Variants in SLC39A11 observed in about 807,000 individuals in gnomAD.
SLC39A11 encodes the protein solute carrier family 39 member 11, also known as zinc transporter ZIP11.
A neutral mutation model predicts 36.1 loss-of-function variants in SLC39A11; 33 were observed. The observed-to-expected ratio is 0.91, with a 90% CI of 0.69 to 1.22. SLC39A11 has a LOEUF of 1.22. Ranked by LOEUF, SLC39A11 falls within the 50% of genes most tolerant of loss-of-function variation. The pLI is 0.00. For synonymous variants in SLC39A11, 166 were observed against 170.3 expected (o/e 0.97, Z 0.20); for missense variants, 432 against 430.3 (o/e 1.00, Z -0.03).
At chr17:73,042,603 C>G (rs544473369) in intron 3 of SLC39A11, among the ~76,000 whole-genome samples, 1 of 152,294 alleles carries the variant, frequency 6.6e-6, no homozygotes, top group African/African-American at 2.4e-5. Context: ...GAGTTCGAGA[C>G]CAGCATGGCC....
intron 7 of SLC39A11, among the ~76,000 whole-genome samples, chr17:72,709,510 A>G (rs1298401060): frequency 6.6e-6 from 1 of 152,224 alleles, no homozygotes; most frequent in Non-Finnish European, 1.5e-5. Context: ...TTTCTCCTTG[A>G]ACAGAGATGA....
intron 5 of SLC39A11, among the ~76,000 whole-genome samples, chr17:72,938,277 T>C (rs555503734): frequency 1.1e-4 from 17 of 152,220 alleles, no homozygotes; most frequent in Admixed American, 2.0e-4. Flanking sequence ...CCTGATTCCT[T>C]TCTTTAGGGA....
chr17:72,813,367 T>G (rs1056131429), intron 6 of SLC39A11, among the ~76,000 whole-genome samples: 8 of 152,344 alleles, frequency 5.3e-5, no homozygotes, highest in African/African-American at 1.9e-4. Context: ...TATTTTTGTC[T>G]AATTAAGACA....
At chr17:72,959,323 G>GCATA (rs2086449782) in intron 4 of SLC39A11, among the ~76,000 whole-genome samples, 1 of 81,474 alleles carries the variant, frequency 1.2e-5, no homozygotes, top group Non-Finnish European at 2.4e-5. Context: ...GTGTGTGTGT[G>GCATA]TGTATATATA....
chr17:72,846,016 CTCTTTTTTTTTT>C (rs1176989636), intron 6 of SLC39A11, among the ~76,000 whole-genome samples: 4 of 85,318 alleles, frequency 4.7e-5, no homozygotes, highest in African/African-American at 1.5e-4. Flanking sequence ...CTCTCTCTCT[CTCTTTTTTTTTT>C]TTTTTTTTTT....
At chr17:72,954,313 A>G (rs1290300484) in intron 4 of SLC39A11, among the ~76,000 whole-genome samples, 2 of 152,238 alleles carry the variant, frequency 1.3e-5, no homozygotes, top group Non-Finnish European at 2.9e-5. Flanking sequence ...CTTTAATTGA[A>G]GCTTGTCAAC....
intron 6 of SLC39A11, among the ~76,000 whole-genome samples, chr17:72,821,124 C>A (rs953479144): frequency 1.3e-5 from 2 of 150,504 alleles, no homozygotes; most frequent in Admixed American, 1.3e-4. Flanking sequence ...CTGGGTGGTT[C>A]GCAGGTATAA....
intron 6 of SLC39A11, among the ~76,000 whole-genome samples, chr17:72,820,627 T>C (rs2713993): frequency 0.026 from 3,907 of 150,860 alleles, 204 homozygotes; most frequent in African/African-American, 0.089. Context: ...TGGAACAGGG[T>C]TGGGGGCACA....
rs563134345 is a variant in SLC39A11 at position 72,701,677 on chromosome 17, G to A, written c.671+34973C>T. ...TGGGAGGCGGAGGTTGCAGGGAGCC[G>A]AGGTTGTACCACTGTACTCCAGCCT... is the stretch of plus-strand genomic sequence containing the variant. On this transcript the variant is annotated intron_variant, in intron 7 of 9. Transcript: ENST00000255559. 3.2e-4 allele frequency among the ~76,000 whole-genome samples: 46 copies of A among 143,254 alleles called. No homozygotes were observed. The East Asian group carries it at 9.2e-3, about 29-fold the overall frequency. The allele number at this position is 143,254 out of a possible 152,430, so 94.0% of individuals were successfully genotyped here.
At chr17:72,948,926 T>G (rs2085633362) in intron 4 of SLC39A11, among the ~76,000 whole-genome samples, 1 of 152,058 alleles carries the variant, frequency 6.6e-6, no homozygotes. Context: ...CCAACCCCAC[T>G]GACCACTTAC....
chr17:72,755,073 G>T (rs1468276302), intron 6 of SLC39A11, among the ~76,000 whole-genome samples: 6 of 140,126 alleles, frequency 4.3e-5, no homozygotes, highest in African/African-American at 1.5e-4. Flanking sequence ...GGACACTCCA[G>T]GACTGGTCTC....
intron 5 of SLC39A11, among the ~76,000 whole-genome samples, chr17:72,934,528 G>C (rs2084624423): frequency 6.6e-6 from 1 of 152,114 alleles, no homozygotes; most frequent in Non-Finnish European, 1.5e-5. Flanking sequence ...TAGCCAGGCA[G>C]GGTGGCGTGT....
chr17:72,944,122 C>A (rs2085280973), intron 5 of SLC39A11, among the ~76,000 whole-genome samples: 1 of 152,180 alleles, frequency 6.6e-6, no homozygotes, highest in Admixed American at 6.5e-5. Context: ...TAAAACCCAA[C>A]CCAACCCCCA....
At chr17:72,755,555 A>C (rs1006148118) in intron 6 of SLC39A11, among the ~76,000 whole-genome samples, 5 of 152,270 alleles carry the variant, frequency 3.3e-5, no homozygotes, top group Admixed American at 6.5e-5. Context: ...TAATCTCATA[A>C]ATCACTGCAA....
chr17:72,867,694 C>T (rs2146318480), intron 5 of SLC39A11, among the ~76,000 whole-genome samples: 1 of 152,014 alleles, frequency 6.6e-6, no homozygotes, highest in East Asian at 1.9e-4. Context: ...TGAGCCAGGC[C>T]ATACCCACAC....
rs551232872 is a variant in SLC39A11, at chr17:72,917,565, T to C, written c.430+30187A>G. On this transcript the variant is annotated intron_variant, in intron 5 of 9. Coordinates refer to ENST00000255559, the MANE Select transcript of SLC39A11 (RefSeq NM_139177.4). ...AAGCAGCATGCAAGACACTGAAATG[T>C]CTAGAAATGGAAAAAGATGGACAAG... Among the ~76,000 whole-genome samples the C allele has an allele frequency of 2.6e-5, 4 of 152,130 alleles. No homozygotes were observed. The East Asian group carries it at 7.7e-4, about 29-fold the overall frequency.
chr17:72,702,831 G>T (rs980990387), intron 7 of SLC39A11, among the ~76,000 whole-genome samples: 1 of 150,228 alleles, frequency 6.7e-6, no homozygotes, highest in South Asian at 2.1e-4. Flanking sequence ...CAGCTACTCA[G>T]GAGGCTGAGG....
chr17:72,780,317 G>T (rs1419244490), intron 6 of SLC39A11, among the ~76,000 whole-genome samples: 1 of 152,102 alleles, frequency 6.6e-6, no homozygotes, highest in African/African-American at 2.4e-5. Flanking sequence ...TCTCTTCTTG[G>T]TTTGGGGGCT....
At chr17:72,822,279 A>G in intron 6 of SLC39A11, among the ~76,000 whole-genome samples, 1 of 147,402 alleles carries the variant, frequency 6.8e-6, no homozygotes, top group Middle Eastern at 3.6e-3. Flanking sequence ...ATATATATAG[A>G]GAGAGATTAT....
Sources: gnomAD v4.1 joint callset for allele counts (sites outside exome capture counted in the v4.1 genomes callset) on GRCh38, gnomAD v4.1.1 for gene constraint, MANE v1.5 for transcripts, NCBI Gene and HGNC (gene_info 2026-07-23, HGNC 2026-07-21) for gene names.